The following CCDC191 variants were observed in gnomAD, a reference collection of about 807,000 sequenced individuals.
CCDC191 encodes coiled-coil domain-containing protein 191.
Under a neutral mutation model 114.0 loss-of-function variants are expected in CCDC191, and 99 were observed. The ratio of observed to expected loss-of-function variants is 0.87; its 90% CI spans 0.74 to 1.03. The LOEUF (loss-of-function observed/expected upper bound fraction) is 1.03, where lower values mean the gene tolerates loss of function less well. Among genes scored for constraint, CCDC191 ranks in the 50% least tolerant of loss-of-function variants. The probability of loss-of-function intolerance (pLI) is 0.00; values close to 1 mark genes in which losing one functional copy is unlikely to be tolerated. For synonymous variants in CCDC191, 351 were observed against 376.0 expected (o/e 0.93, Z 0.77); for missense variants, 973 against 1,087.0 (o/e 0.90, Z 1.47).
intron 16 of CCDC191, among the ~76,000 whole-genome samples, chr3:113,969,134 G>A (rs1940533944): frequency 6.6e-6 from 1 of 152,268 alleles, no homozygotes; most frequent in Non-Finnish European, 1.5e-5. Flanking sequence ...ATTTACAGAG[G>A]ATGGCATTAA....
At chr3:113,999,413 G>A (rs1202841552) in intron 13 of CCDC191, among the ~76,000 whole-genome samples, 1 of 152,160 alleles carries the variant, frequency 6.6e-6, no homozygotes, top group Non-Finnish European at 1.5e-5. Flanking sequence ...TTCCTGCCAA[G>A]GGGAAACTGA....
At chr3:114,048,609 C>T (rs1167816454) in intron 2 of CCDC191, among the ~76,000 whole-genome samples, 1 of 152,180 alleles carries the variant, frequency 6.6e-6, no homozygotes, top group Non-Finnish European at 1.5e-5. Context: ...AGGCATCCTT[C>T]CCTCACCTCC....
intron 3 of CCDC191, among the ~76,000 whole-genome samples, chr3:114,044,589 G>C (rs552946476): frequency 6.6e-6 from 1 of 152,132 alleles, no homozygotes; most frequent in Non-Finnish European, 1.5e-5. Flanking sequence ...TAATATAAAC[G>C]AAGTGTTAAA....
intron 16 of CCDC191, among the ~76,000 whole-genome samples, chr3:113,967,596 G>T (rs573205655): frequency 1.3e-5 from 2 of 152,000 alleles, no homozygotes; most frequent in African/African-American, 4.8e-5. Context: ...AGGGTATTTG[G>T]GATATCCATC....
chr3:113,979,935 C>T (rs2075081811), intron 14 of CCDC191, among the ~76,000 whole-genome samples: 1 of 152,326 alleles, frequency 6.6e-6, no homozygotes, highest in Non-Finnish European at 1.5e-5. Context: ...TTTCATATAT[C>T]TCTCTGCAGT....
At chr3:113,965,492 C>T (rs573457787) in intron 16 of CCDC191, 133 bp from the exon 17 acceptor site, 3 of 503,684 alleles carry the variant, frequency 6.0e-6, no homozygotes, top group Admixed American at 3.8e-5. Context: ...AAATCACAAT[C>T]GGGATTATGA....
At chr3:113,988,626 CAAAAAAAAAA>C (rs887679387) in intron 13 of CCDC191, among the ~76,000 whole-genome samples, 1 of 43,672 alleles carries the variant, frequency 2.3e-5, no homozygotes, top group Non-Finnish European at 4.3e-5. Flanking sequence ...GACTCCATCT[CAAAAAAAAAA>C]AAAAAAAAAA....
At chr3:114,005,278 T>A (rs2075931329) in intron 10 of CCDC191, among the ~76,000 whole-genome samples, 1 of 152,300 alleles carries the variant, frequency 6.6e-6, no homozygotes, top group South Asian at 2.1e-4. Flanking sequence ...ACAGAGATCC[T>A]CAAAGGCAGC....
At chr3:113,971,020 A>G (rs1218432736) in intron 16 of CCDC191, among the ~76,000 whole-genome samples, 1 of 152,156 alleles carries the variant, frequency 6.6e-6, no homozygotes, top group East Asian at 1.9e-4. Flanking sequence ...TAGTGCCGCA[A>G]TAAACATGTG....
intron 13 of CCDC191, among the ~76,000 whole-genome samples, chr3:113,987,170 C>T (rs1011306693): frequency 5.4e-5 from 8 of 148,828 alleles, no homozygotes; most frequent in African/African-American, 9.8e-5. Context: ...ATTCTATATC[C>T]GGCAAAAAAC....
intron 13 of CCDC191, among the ~76,000 whole-genome samples, chr3:113,991,451 G>T (rs75423637): frequency 0.03 from 4,626 of 152,206 alleles, 85 homozygotes; most frequent in Non-Finnish European, 0.048. Flanking sequence ...TATCAAAGAT[G>T]CAGAAAAAGC....
chr3:114,051,112 C>T (rs571611600), intron 2 of CCDC191, among the ~76,000 whole-genome samples: 6 of 152,116 alleles, frequency 3.9e-5, no homozygotes, highest in East Asian at 1.9e-4. Flanking sequence ...ATCGTGACCC[C>T]GAACCATGTC....
chr3:113,972,424 G>A (rs1191749833), intron 16 of CCDC191, among the ~76,000 whole-genome samples: 3 of 151,944 alleles, frequency 2.0e-5, no homozygotes, highest in Admixed American at 2.0e-4. Flanking sequence ...TTATTCTATT[G>A]TGGTCAGAAT....
intron 2 of CCDC191, 70 bp downstream of exon 2, chr3:114,053,527 A>G: frequency 2.3e-6 from 2 of 875,254 alleles, no homozygotes; most frequent in East Asian, 2.7e-5. Context: ...AGATCTATTC[A>G]TATTTCTTTT....
chr3:114,019,353 A>G (rs1220255104), intron 7 of CCDC191, among the ~76,000 whole-genome samples: 1 of 152,208 alleles, frequency 6.6e-6, no homozygotes, highest in Non-Finnish European at 1.5e-5. Flanking sequence ...TAAGACAGCT[A>G]TAAACAACAA....
intron 13 of CCDC191, among the ~76,000 whole-genome samples, chr3:113,988,514 T>A (rs535811111): frequency 1.3e-5 from 2 of 148,854 alleles, no homozygotes; most frequent in Non-Finnish European, 3.0e-5. Flanking sequence ...TAATCCCAGC[T>A]ACTCAGAAGG....
chr3:114,011,254 T>G (rs2076065582), intron 8 of CCDC191, among the ~76,000 whole-genome samples: 1 of 152,036 alleles, frequency 6.6e-6, no homozygotes, highest in Admixed American at 6.6e-5. Flanking sequence ...AGAGGAACTG[T>G]TCTGTTCTCA....
chr3:113,972,779 G>T (rs982127537), intron 16 of CCDC191, among the ~76,000 whole-genome samples: 1 of 152,000 alleles, frequency 6.6e-6, no homozygotes. Flanking sequence ...ATATCCTCTT[G>T]CTGAATTGAC....
rs2076259265 is a variant in CCDC191 at position 114,022,615 on chromosome 3, C to T, written c.973-3747G>A. Among the ~76,000 whole-genome samples the T allele has an allele frequency of 2.6e-5, 4 of 151,998 alleles. No homozygotes were observed. In the South Asian group the frequency reaches 8.3e-4, roughly 32 times the overall value. On this transcript the variant is annotated intron_variant, in intron 7 of 16. Coordinates refer to ENST00000295878, the MANE Select transcript of CCDC191 (RefSeq NM_020817.2). The stretch of plus-strand genomic sequence containing the variant: ...TCAGGAAGAAAGCTACATTCTACAC[C>T]CAGGCCCCTAAGTGACTCCTTGCTG...
Sources: gnomAD v4.1 joint callset for allele counts (sites outside exome capture counted in the v4.1 genomes callset) on GRCh38, gnomAD v4.1.1 for gene constraint, MANE v1.5 for transcripts, NCBI Gene and HGNC (gene_info 2026-07-23, HGNC 2026-07-21) for gene names.